ATP6V0A4: variants seen among roughly 807,000 people sequenced by gnomAD.
ATP6V0A4 encodes the protein ATPase H+ transporting V0 subunit a4.
In ATP6V0A4, 86 loss-of-function variants were observed where a neutral mutation model predicts 107.3. The observed-to-expected ratio is 0.80, with a 90% CI of 0.67 to 0.96. The LOEUF (loss-of-function observed/expected upper bound fraction) is 0.96, where lower values mean the gene tolerates loss of function less well. Among genes scored for constraint, ATP6V0A4 ranks in the 40% least tolerant of loss-of-function variants. The pLI is 0.00. For synonymous variants in ATP6V0A4, 353 were observed against 381.4 expected (o/e 0.93, Z 0.87); for missense variants, 908 against 1,045.6 (o/e 0.87, Z 1.81).
At chr7:138,723,219 A>G (rs1227359144) in intron 18 of ATP6V0A4, among the ~76,000 whole-genome samples, 1 of 152,208 alleles carries the variant, frequency 6.6e-6, no homozygotes, top group Non-Finnish European at 1.5e-5. Flanking sequence ...CACTAAAGCA[A>G]TGCAAGTACA....
chr7:138,723,357 A>T lies in ATP6V0A4; in HGVS notation c.2011-1332T>A, dbSNP rs562200088. ...AATTCAAGGAAAAAAAAATCTAGGC[A>T]TAGTCACCATTCAACTTGGTCTGGT... On this transcript the variant is annotated intron_variant, in intron 18 of 21. Coordinates refer to ENST00000310018, the MANE Select transcript of ATP6V0A4 (RefSeq NM_020632.3). Among the ~76,000 whole-genome samples the T allele has an allele frequency of 5.9e-4, 90 of 152,318 alleles. No homozygotes were observed. The South Asian group carries it at 0.017, about 29-fold the overall frequency.
intron 12 of ATP6V0A4, among the ~76,000 whole-genome samples, chr7:138,748,510 G>A (rs908188549): frequency 4.6e-5 from 7 of 152,066 alleles, no homozygotes; most frequent in African/African-American, 1.4e-4. Context: ...GGATTCAAGC[G>A]ATTCTCCTGC....
At chr7:138,755,126 C>T (rs940794472) in intron 10 of ATP6V0A4, among the ~76,000 whole-genome samples, 2 of 152,248 alleles carry the variant, frequency 1.3e-5, no homozygotes, top group South Asian at 2.1e-4. Context: ...GGAGGCCCAG[C>T]TGTTTTCAGT....
chr7:138,723,067 A>AG (rs1554390967), intron 18 of ATP6V0A4, among the ~76,000 whole-genome samples: 3 of 151,618 alleles, frequency 2.0e-5, no homozygotes, highest in Non-Finnish European at 4.4e-5. Flanking sequence ...AAAAAAAAAA[A>AG]AAAAAGAAAA....
At chr7:138,723,595 G>C (rs534779228) in intron 18 of ATP6V0A4, among the ~76,000 whole-genome samples, 1 of 144,154 alleles carries the variant, frequency 6.9e-6, no homozygotes, top group Non-Finnish European at 1.5e-5. Context: ...GTACAATCTC[G>C]GTTCACTGCA....
chr7:138,706,691 A>T lies in ATP6V0A4; in HGVS notation c.2456T>A (p.Val819Asp). ...TGGAGAAAACTTGTAACCATCCCCG[A>T]CATAGAACTTGTTCTGGAACTCAAC... ...HWVEFQNKFY[V>D]GDGYKFSPFS... is the part of the protein sequence containing the mutation. Residue 819 changes from valine (V) to aspartate (D), a missense_variant, in exon 22 of 22, where the codon GTC becomes GAC. By Grantham distance (152) the Val-to-Asp change is radical (BLOSUM62 -3). Coordinates refer to ENST00000310018, the MANE Select transcript of ATP6V0A4 (RefSeq NM_020632.3). 6.2e-7 allele frequency: 1 copy of T among 1,613,852 alleles called. No homozygotes were observed. The highest frequency in any genetic ancestry group is 8.5e-7 in the Non-Finnish European group (1 of 1,179,906).
At chr7:138,769,363 GGA>G (rs1807262330) in intron 3 of ATP6V0A4, 112 bp from the exon 4 acceptor site, 8 of 1,462,066 alleles carry the variant, frequency 5.5e-6, no homozygotes, top group Non-Finnish European at 7.2e-6. Flanking sequence ...CACCCAGACT[GGA>G]GGGCAATGGC....
At chr7:138,732,491 A>G (rs919432561) in intron 17 of ATP6V0A4, among the ~76,000 whole-genome samples, 1 of 152,092 alleles carries the variant, frequency 6.6e-6, no homozygotes, top group African/African-American at 2.4e-5. Context: ...TACTCTTTGC[A>G]ACACTCAAGA....
intron 7 of ATP6V0A4, 107 bp downstream of exon 7, chr7:138,762,232 TG>T: frequency 7.2e-7 from 1 of 1,397,026 alleles, no homozygotes; most frequent in Non-Finnish European, 1.0e-6. Context: ...TTTGCATCCA[TG>T]GGAAACAGTC....
chr7:138,788,000 A>G (rs1649373492), intron 1 of ATP6V0A4, among the ~76,000 whole-genome samples: 1 of 152,140 alleles, frequency 6.6e-6, no homozygotes, highest in Non-Finnish European at 1.5e-5. Flanking sequence ...ATTCTGTCTT[A>G]AAAACGGAAA....
At chr7:138,771,006 A>C (rs1192170263) in intron 3 of ATP6V0A4, 125 bp downstream of exon 3, 1 of 1,027,194 alleles carries the variant, frequency 9.7e-7, no homozygotes, top group African/African-American at 1.6e-5. Context: ...ACAGAATTTC[A>C]TCGATTCCAG....
chr7:138,710,138 A>G (rs986946269), intron 20 of ATP6V0A4, among the ~76,000 whole-genome samples: 1 of 148,476 alleles, frequency 6.7e-6, no homozygotes, highest in African/African-American at 2.5e-5. Flanking sequence ...TGATCCTCCC[A>G]CCTCAGCCTC....
chr7:138,706,534 C>T lies in ATP6V0A4; in HGVS notation c.*90G>A. Reference sequence around the variant, plus strand: ...TCAGGTGAGCCAAGAACAACCTTCCCATTGAGCGCCTTGCAGGGGCTGATA... The same window carrying T: ...TCAGGTGAGCCAAGAACAACCTTCCTATTGAGCGCCTTGCAGGGGCTGATA... On this transcript the variant is annotated 3_prime_UTR_variant, in exon 22 of 22. Transcript: ENST00000310018. 6.8e-7 allele frequency: 1 copy of T among 1,472,270 alleles called. No homozygotes were observed. The highest frequency in any genetic ancestry group is 1.8e-5 in the Admixed American group (1 of 55,896). The allele number at this position is 1,472,270 out of a possible 1,614,324, so 91.2% of individuals were successfully genotyped here. A position where few individuals can be genotyped will look rare whatever the true frequency, so the allele number is the denominator to read the frequency against.
intron 18 of ATP6V0A4, among the ~76,000 whole-genome samples, chr7:138,722,674 G>A (rs889018583): frequency 6.8e-6 from 1 of 147,880 alleles, no homozygotes; most frequent in African/African-American, 2.5e-5. Flanking sequence ...GAACTCAGGA[G>A]GTGGAGGCTG....
chr7:138,706,368 CCCT>C lies in ATP6V0A4; in HGVS notation c.*253_*255del, dbSNP rs1460108171. 1 of 496,626 alleles carries C rather than the reference CCCT, an allele frequency of 2.0e-6. No individual in the cohort carries two copies. The highest frequency in any genetic ancestry group is 3.7e-6 in the Non-Finnish European group (1 of 271,912). The allele number at this position is 496,626 out of a possible 1,614,324, so 30.8% of individuals were successfully genotyped here. A position where few individuals can be genotyped will look rare whatever the true frequency, so the allele number is the denominator to read the frequency against. On this transcript the variant is annotated 3_prime_UTR_variant, in exon 22 of 22. Coordinates refer to ENST00000310018, the MANE Select transcript of ATP6V0A4 (RefSeq NM_020632.3). ...AAGAAGACATCTGTTTAGCATTCTC[CCCT>C]CATTTGTCAATTACTTTATTATTTG...
At chr7:138,786,579 AG>A (rs1240058724) in intron 1 of ATP6V0A4, among the ~76,000 whole-genome samples, 3 of 117,020 alleles carry the variant, frequency 2.6e-5, no homozygotes, top group South Asian at 3.3e-4. Context: ...ACCTTGTCTC[AG>A]GAAAAAAAAA....
At chr7:138,742,679 T>C (rs1458603795) in intron 14 of ATP6V0A4, among the ~76,000 whole-genome samples, 1 of 138,576 alleles carries the variant, frequency 7.2e-6, no homozygotes, top group Non-Finnish European at 1.5e-5. Context: ...CATGTGCCAC[T>C]GCCCAGCTAA....
intron 9 of ATP6V0A4, 75 bp downstream of exon 9, chr7:138,756,383 G>A: frequency 6.2e-7 from 1 of 1,606,878 alleles, no homozygotes; most frequent in Non-Finnish European, 8.5e-7. Context: ...ACAGTCATGT[G>A]CATTTGGCAT....
intron 15 of ATP6V0A4, among the ~76,000 whole-genome samples, chr7:138,737,663 C>A (rs976126126): frequency 6.6e-6 from 1 of 150,452 alleles, no homozygotes; most frequent in African/African-American, 2.4e-5. Flanking sequence ...CTTACTGCAA[C>A]CTCTGCTTCC....
Sources: gnomAD v4.1 joint callset for allele counts (sites outside exome capture counted in the v4.1 genomes callset) on GRCh38, gnomAD v4.1.1 for gene constraint, MANE v1.5 for transcripts, NCBI Gene and HGNC (gene_info 2026-07-23, HGNC 2026-07-21) for gene names.